SLC9B1: variants seen among roughly 807,000 people sequenced by gnomAD.
SLC9B1 encodes the protein solute carrier family 9 member B1.
In SLC9B1, 32 loss-of-function variants were observed where a neutral mutation model predicts 51.7. The observed-to-expected ratio is 0.62, with a 90% CI of 0.47 to 0.83. The LOEUF (loss-of-function observed/expected upper bound fraction) is 0.83, where lower values mean the gene tolerates loss of function less well. SLC9B1 is among the 40% of genes least tolerant of loss of function. The probability of loss-of-function intolerance (pLI) is 0.00; values close to 1 mark genes in which losing one functional copy is unlikely to be tolerated. For synonymous variants in SLC9B1, 145 were observed against 212.7 expected, an observed-to-expected ratio of 0.68 and a Z score of 2.77; for missense variants, 406 against 613.2, an observed-to-expected ratio of 0.66 and a Z score of 3.57.
intron 8 of SLC9B1, 131 bp from the exon 9 acceptor site, chr4:102,910,719 G>T (rs1735298542): frequency 2.3e-6 from 1 of 432,022 alleles, no homozygotes; most frequent in African/African-American, 2.1e-5. Flanking sequence ...CTAAAATTTT[G>T]ATTTTCTTTC....
chr4:102,971,959 T>A (rs564816768), intron 3 of SLC9B1, among the ~76,000 whole-genome samples: 44 of 152,208 alleles, frequency 2.9e-4, no homozygotes, highest in African/African-American at 1.0e-3. Context: ...AATCCCTGAA[T>A]AGACCCATTA....
At chr4:102,901,438 A>C (rs4527477) in intron 11 of SLC9B1, 106 bp from the exon 12 acceptor site, 1 of 660,492 alleles carries the variant, frequency 1.5e-6, no homozygotes, top group Non-Finnish European at 2.2e-6. Flanking sequence ...CTAGACTATT[A>C]GAAAAAAAAA....
chr4:102,944,717 TA>T (rs1737181955), intron 6 of SLC9B1, among the ~76,000 whole-genome samples: 1 of 152,204 alleles, frequency 6.6e-6, no homozygotes, highest in Non-Finnish European at 1.5e-5. Context: ...AAATGGATGG[TA>T]GATAAAGATG....
At chr4:102,922,610 A>G (rs1461559654) in intron 7 of SLC9B1, among the ~76,000 whole-genome samples, 2 of 152,198 alleles carry the variant, frequency 1.3e-5, no homozygotes, top group Non-Finnish European at 2.9e-5. Flanking sequence ...AAGTCAATGA[A>G]TCCAGGAGCT....
chr4:103,005,972 T>G (rs1370030449), intron 1 of SLC9B1, among the ~76,000 whole-genome samples: 2 of 152,140 alleles, frequency 1.3e-5, no homozygotes, highest in Non-Finnish European at 2.9e-5. Flanking sequence ...TTTATAGCAC[T>G]AAATGCCCCC....
intron 11 of SLC9B1, among the ~76,000 whole-genome samples, chr4:102,895,582 T>C (rs1227074944): frequency 6.6e-6 from 1 of 152,108 alleles, no homozygotes; most frequent in African/African-American, 2.4e-5. Flanking sequence ...CATTTTAAAA[T>C]TACATAAATT....
intron 1 of SLC9B1, among the ~76,000 whole-genome samples, chr4:103,010,171 T>G (rs888420544): frequency 1.3e-5 from 2 of 152,162 alleles, no homozygotes; most frequent in Non-Finnish European, 1.5e-5. Flanking sequence ...ATACCACAGA[T>G]TGGATAATTT....
chr4:102,920,533 T>A (rs1735818455), intron 7 of SLC9B1, among the ~76,000 whole-genome samples: 1 of 152,104 alleles, frequency 6.6e-6, no homozygotes, highest in African/African-American at 2.4e-5. Flanking sequence ...TTGTCAGCAA[T>A]GGAACAAAGC....
intron 1 of SLC9B1, among the ~76,000 whole-genome samples, chr4:103,018,675 G>A (rs1405374903): frequency 2.6e-5 from 4 of 152,148 alleles, no homozygotes; most frequent in African/African-American, 9.7e-5. Flanking sequence ...GGGGGAGTGA[G>A]GGACCTGGTA....
intron 3 of SLC9B1, among the ~76,000 whole-genome samples, chr4:102,950,138 T>C (rs892545287): frequency 6.6e-6 from 1 of 152,176 alleles, no homozygotes; most frequent in African/African-American, 2.4e-5. Flanking sequence ...GTGATAAGAA[T>C]TCACAACCTT....
chr4:103,005,106 T>C (rs139879669), intron 1 of SLC9B1, among the ~76,000 whole-genome samples: 2 of 152,240 alleles, frequency 1.3e-5, no homozygotes, highest in African/African-American at 4.8e-5. Context: ...ACTTTGAATG[T>C]AAATGAGCCA....
At chr4:102,928,227 A>C (rs559718517) in intron 7 of SLC9B1, among the ~76,000 whole-genome samples, 1 of 152,290 alleles carries the variant, frequency 6.6e-6, no homozygotes, top group East Asian at 1.9e-4. Flanking sequence ...AGGTATAACA[A>C]CACCAACAAA....
intron 1 of SLC9B1, among the ~76,000 whole-genome samples, chr4:103,002,608 A>C (rs1329720009): frequency 6.6e-6 from 1 of 152,258 alleles, no homozygotes; most frequent in African/African-American, 2.4e-5. Context: ...ACTTAAAAAT[A>C]GAAAATAAAG....
At chr4:102,924,691 T>G (rs1477539912) in intron 7 of SLC9B1, among the ~76,000 whole-genome samples, 1 of 151,886 alleles carries the variant, frequency 6.6e-6, no homozygotes, top group Non-Finnish European at 1.5e-5. Context: ...AATCTACAAA[T>G]AACTTAAACA....
rs530555552 is a variant in SLC9B1 at position 102,889,898 on chromosome 4, T to C, written c.1333-4570A>G. 6 of 152,044 alleles carry C rather than the reference T, an allele frequency of 3.9e-5. No homozygotes were observed. In the East Asian group the frequency reaches 7.7e-4, roughly 20 times the overall value. The allele number at this position is 152,044 out of a possible 1,614,324, so 9.4% of individuals were successfully genotyped here. Reference sequence around the variant, plus strand: ...GTAACTTGTAGAACTTGAGGATAAGTGGTAAAAGAAAAAAAAAAGTAACTT... The same window carrying C: ...GTAACTTGTAGAACTTGAGGATAAGCGGTAAAAGAAAAAAAAAAGTAACTT... On this transcript the variant is annotated intron_variant, in intron 11 of 11. Coordinates refer to the SLC9B1 transcript ENST00000394789.
At chr4:102,914,642 GA>G (rs1735496505) in intron 7 of SLC9B1, among the ~76,000 whole-genome samples, 1 of 152,082 alleles carries the variant, frequency 6.6e-6, no homozygotes, top group African/African-American at 2.4e-5. Context: ...ACATCAAGCA[GA>G]ATAAAGAATC....
chr4:102,956,948 G>T (rs1209267108), intron 3 of SLC9B1, among the ~76,000 whole-genome samples: 4 of 152,106 alleles, frequency 2.6e-5, no homozygotes, highest in Admixed American at 1.3e-4. Context: ...ATATGATAAT[G>T]TGCTGTCTAA....
intron 3 of SLC9B1, among the ~76,000 whole-genome samples, chr4:102,986,254 G>GT (rs138003685): frequency 0.047 from 4,158 of 88,496 alleles, 180 homozygotes; most frequent in African/African-American, 0.18. Flanking sequence ...GGCTGGTGTT[G>GT]TTTTTTTTTT....
chr4:102,916,531 A>G (rs1735585732), intron 7 of SLC9B1, among the ~76,000 whole-genome samples: 1 of 152,198 alleles, frequency 6.6e-6, no homozygotes, highest in Non-Finnish European at 1.5e-5. Context: ...CAATAACCAG[A>G]CAGAAGATCA....
Sources: gnomAD v4.1 joint callset for allele counts (sites outside exome capture counted in the v4.1 genomes callset) on GRCh38, gnomAD v4.1.1 for gene constraint, MANE v1.5 for transcripts, NCBI Gene and HGNC (gene_info 2026-07-23, HGNC 2026-07-21) for gene names.